BFSP2: variants seen among roughly 807,000 people sequenced by gnomAD.
BFSP2 encodes beaded filament structural protein 2, also known as phakinin.
In BFSP2, 38 loss-of-function variants were observed where a neutral mutation model predicts 44.9. That is an observed-to-expected ratio of 0.85 (90% confidence interval 0.65 to 1.11). The LOEUF is 1.11. Among genes scored for constraint, BFSP2 ranks in the 50% least tolerant of loss-of-function variants. The pLI is 0.00. For synonymous variants in BFSP2, 197 were observed against 209.9 expected (o/e 0.94, Z 0.53); for missense variants, 525 against 533.0 (o/e 0.99, Z 0.15).
At chr3:133,411,196 A>C (rs1013039546) in intron 1 of BFSP2, among the ~76,000 whole-genome samples, 2 of 144,752 alleles carry the variant, frequency 1.4e-5, no homozygotes, top group Admixed American at 6.9e-5. Context: ...AAAAAAAAAA[A>C]AAACTAATTA....
At chr3:133,401,451 C>T (rs2073362096) in intron 1 of BFSP2, among the ~76,000 whole-genome samples, 1 of 152,184 alleles carries the variant, frequency 6.6e-6, no homozygotes, top group Non-Finnish European at 1.5e-5. Flanking sequence ...TAATGGCTAT[C>T]TTATTGGACA....
At chr3:133,446,571 TA>T (rs1175783772) in intron 1 of BFSP2, among the ~76,000 whole-genome samples, 14,960 of 20,598 alleles carry the variant, frequency 0.73, 4,764 homozygotes, top group Middle Eastern at 0.83. Context: ...GCTCACCATT[TA>T]TATATATATA....
chr3:133,448,706 T>A, intron 3 of BFSP2, 61 bp downstream of exon 3: 1 of 1,592,210 alleles, frequency 6.3e-7, no homozygotes, highest in Non-Finnish European at 8.6e-7. Flanking sequence ...TCTGTCTGCC[T>A]GTGCTTCATA....
chr3:133,461,255 A>C (rs544276698), intron 4 of BFSP2, among the ~76,000 whole-genome samples: 1 of 152,312 alleles, frequency 6.6e-6, no homozygotes, highest in East Asian at 1.9e-4. Context: ...ACTTACTTAG[A>C]ACACATTGCT....
At chr3:133,460,222 C>A (rs919558500) in intron 4 of BFSP2, among the ~76,000 whole-genome samples, 5 of 152,168 alleles carry the variant, frequency 3.3e-5, no homozygotes, top group African/African-American at 1.2e-4. Context: ...ATCTTCCCAA[C>A]ATGAGATAGG....
At chr3:133,468,423 C>A (rs1238485210) in intron 5 of BFSP2, among the ~76,000 whole-genome samples, 1 of 152,178 alleles carries the variant, frequency 6.6e-6, no homozygotes, top group Admixed American at 6.5e-5. Context: ...TTCTCTCATT[C>A]TGTGATTTAG....
chr3:133,423,431 G>A (rs1265249452), intron 1 of BFSP2, among the ~76,000 whole-genome samples: 1 of 152,100 alleles, frequency 6.6e-6, no homozygotes, highest in Non-Finnish European at 1.5e-5. Flanking sequence ...GGCAAACTGT[G>A]GTAGTAATCT....
At chr3:133,451,308 G>A (rs1335284557) in intron 4 of BFSP2, among the ~76,000 whole-genome samples, 2 of 150,478 alleles carry the variant, frequency 1.3e-5, no homozygotes, top group Non-Finnish European at 1.5e-5. Context: ...AAATAGGAAT[G>A]TGTTCATAAT....
intron 4 of BFSP2, among the ~76,000 whole-genome samples, chr3:133,454,831 A>G (rs75177715): frequency 0.033 from 5,001 of 152,330 alleles, 280 homozygotes; most frequent in African/African-American, 0.11. Flanking sequence ...CTATACAAAA[A>G]TATTCTTTCT....
At position 133,400,534 on chromosome 3, in the gene BFSP2, G is replaced by T. The variant is rs2073354539; in HGVS notation, c.451G>T (p.Gly151Cys). The T allele has an allele frequency of 6.2e-7, 1 of 1,612,840 alleles. No homozygotes were observed. The highest frequency in any genetic ancestry group is 1.3e-5 in the African/African-American group (1 of 75,054). ...ESKATRSGNWGALRASWASSC... is the reference protein window; with the variant it reads ...ESKATRSGNWCALRASWASSC... ...CAAAGCCACACGCTCGGGAAACTGG[G>T]GTGCCCTACGGGCTTCCTGGGCCAG... Residue 151 changes from glycine to cysteine, a missense_variant, in exon 1 of 7, where the codon GGT (glycine) becomes TGT (cysteine). Transcript: ENST00000302334. This position sits in a 1 kb window ranked among gnomAD's most constrained non-coding sequence, Gnocchi z 4.0.
chr3:133,426,850 C>T (rs2073658527), intron 1 of BFSP2, among the ~76,000 whole-genome samples: 2 of 152,194 alleles, frequency 1.3e-5, no homozygotes, highest in African/African-American at 4.8e-5. Flanking sequence ...CCAGCAAGTA[C>T]AGGGCAGAGA....
rs113354173 is a variant in BFSP2 at position 133,447,017 on chromosome 3, A to G, written c.490-300A>G. 9.2e-3 allele frequency among the ~76,000 whole-genome samples: 1,403 copies of G among 152,054 alleles called. 28 individuals carry two copies. The highest frequency in any genetic ancestry group is 0.031 in the African/African-American group (1,305 of 41,454). On this transcript the variant is annotated intron_variant, in intron 1 of 6. Transcript: ENST00000302334. ...TAAGGAGCCGGACTCTGCCCTGGAG[A>G]GATGAAAGCTTGTCACTGTGACAGA...
chr3:133,472,348 C>G lies in BFSP2; in HGVS notation c.1027C>G (p.Arg343Gly), dbSNP rs767599025. 6 of 1,611,000 alleles carry G rather than the reference C, an allele frequency of 3.7e-6. No individual in the cohort carries two copies. Among genetic ancestry groups the G allele is most frequent in the Non-Finnish European group, 4.2e-6 (5 of 1,179,874 alleles). The change falls in exon 6 of 7, where the codon CGA becomes GGA. Residue 343 changes from arginine (R) to glycine (G), a missense_variant. Physicochemically the swap from Arg to Gly is moderately radical, Grantham distance 125 (BLOSUM62 -2). Coordinates refer to ENST00000302334, the MANE Select transcript of BFSP2 (RefSeq NM_003571.4). ...AETESLRALK[R>G]GLENTLHDAK... The stretch of plus-strand genomic sequence containing the variant: ...GACCGGGTTCGCTCTTTTGTAGAAA[C>G]GAGGCCTGGAGAACACCTTGCACGA...
chr3:133,401,150 A>G (rs2073359718), intron 1 of BFSP2, among the ~76,000 whole-genome samples: 1 of 152,242 alleles, frequency 6.6e-6, no homozygotes, highest in Non-Finnish European at 1.5e-5. Context: ...CCACAGTAAA[A>G]CACGTAAAAA....
intron 1 of BFSP2, among the ~76,000 whole-genome samples, chr3:133,438,778 C>T (rs542090429): frequency 6.6e-6 from 1 of 152,198 alleles, no homozygotes; most frequent in Admixed American, 6.5e-5. Context: ...TGCATAATAG[C>T]CTCCCAGATG....
chr3:133,404,328 A>AG (rs2073386183), intron 1 of BFSP2, among the ~76,000 whole-genome samples: 1 of 151,910 alleles, frequency 6.6e-6, no homozygotes, highest in Non-Finnish European at 1.5e-5. Flanking sequence ...TTCTTGGCCC[A>AG]CCTCTCTGCC....
intron 1 of BFSP2, among the ~76,000 whole-genome samples, chr3:133,420,844 C>A (rs1407046078): frequency 6.6e-6 from 1 of 152,222 alleles, no homozygotes; most frequent in Non-Finnish European, 1.5e-5. Flanking sequence ...GGAATCCACA[C>A]TCCTACCTGT....
intron 1 of BFSP2, among the ~76,000 whole-genome samples, chr3:133,405,796 T>C (rs1417383409): frequency 6.6e-6 from 1 of 152,196 alleles, no homozygotes; most frequent in Admixed American, 6.5e-5. Flanking sequence ...GAAATGTAGC[T>C]ACCAGAGAAA....
At position 133,447,297 on chromosome 3, in the gene BFSP2, G is replaced by A; in HGVS notation, c.490-20G>A. 1 of 1,613,452 alleles carries A rather than the reference G, an allele frequency of 6.2e-7. No homozygotes were observed. The highest frequency in any genetic ancestry group is 2.2e-5 in the East Asian group (1 of 44,854). ...CGCTCCCAGTGACCTTGTCTCCTTTGGTGTGTGTGATCGCTCTAGGTGGGT... is the reference window on the plus strand; with the variant it reads ...CGCTCCCAGTGACCTTGTCTCCTTTAGTGTGTGTGATCGCTCTAGGTGGGT... On this transcript the variant is annotated intron_variant, in intron 1 of 6. Coordinates refer to ENST00000302334, the MANE Select transcript of BFSP2 (RefSeq NM_003571.4).
Sources: allele counts gnomAD v4.1 joint callset (sites outside exome capture counted in the v4.1 genomes callset), GRCh38; gene constraint gnomAD v4.1.1; non-coding constraint Gnocchi (gnomAD v3.1); transcripts MANE v1.5; gene names NCBI Gene and HGNC (gene_info 2026-07-23, HGNC 2026-07-21).